Variants in QRFPR observed in about 807,000 individuals in gnomAD.
QRFPR encodes the protein pyroglutamylated RFamide peptide receptor.
Under a neutral mutation model 31.3 loss-of-function variants are expected in QRFPR, and 37 were observed. That is an observed-to-expected ratio of 1.18 (90% CI 0.91 to 1.56). The LOEUF is 1.56. QRFPR is among the 40% of genes most tolerant of loss of function. The pLI, the probability that QRFPR is intolerant of heterozygous loss-of-function variation, is 0.00. For missense variants in QRFPR, 542 were observed against 532.5 expected (o/e 1.02, Z -0.18); for synonymous variants, 197 against 192.0 (o/e 1.03, Z -0.22).
intron 2 of QRFPR, among the ~76,000 whole-genome samples, chr4:121,338,774 T>C (rs1257648411): frequency 6.6e-6 from 1 of 152,218 alleles, no homozygotes; most frequent in Admixed American, 6.5e-5. Context: ...GTCTAGTTGA[T>C]TTTAAAACCT....
At chr4:121,335,606 G>C (rs1343752703) in intron 3 of QRFPR, among the ~76,000 whole-genome samples, 1 of 150,784 alleles carries the variant, frequency 6.6e-6, no homozygotes. Flanking sequence ...GAGGAGTGGG[G>C]CAGGGGAGAG....
intron 1 of QRFPR, among the ~76,000 whole-genome samples, chr4:121,373,966 C>T (rs764322182): frequency 1.3e-5 from 2 of 152,120 alleles, no homozygotes; most frequent in Non-Finnish European, 2.9e-5. Flanking sequence ...TATAATGAAG[C>T]TTGGAGCTTC....
In QRFPR at chr4:121,332,867, A is replaced by T; in HGVS notation, c.751T>A (p.Ser251Thr). 3.7e-6 allele frequency: 6 copies of T among 1,614,158 alleles called. No homozygotes were observed. Among genetic ancestry groups the T allele is most frequent in the Non-Finnish European group, 5.1e-6 (6 of 1,179,992 alleles). Residue 251 changes from serine (S) to threonine (T), a missense_variant, in exon 4 of 6, where the codon TCA becomes ACA. Transcript: ENST00000394427. ...TTTCCATGAATAGTTCGAAGCACTGAACCATCCCCAACTCTTTTCTTTATC... is the reference window on the plus strand; with the variant it reads ...TTTCCATGAATAGTTCGAAGCACTGTACCATCCCCAACTCTTTTCTTTATC... ...LWIKKRVGDGSVLRTIHGKEM... is the reference protein window; with the variant it reads ...LWIKKRVGDGTVLRTIHGKEM...
At chr4:121,370,310 C>T (rs1020113331) in intron 1 of QRFPR, 3 of 772,664 alleles carry the variant, frequency 3.9e-6, no homozygotes, top group African/African-American at 3.4e-5. Context: ...GCCCACTAGC[C>T]TCAAGAGCAG....
At position 121,330,482 on chromosome 4, in the gene QRFPR, G is replaced by C. The variant is rs1283326230; in HGVS notation, c.839C>G (p.Ala280Gly). 2 of 1,613,956 alleles carry C rather than the reference G, an allele frequency of 1.2e-6. No individual in the cohort carries two copies. ...TGGTGCCCAGCACACAGCAAAGAGA[G>C]CCACCACTGTCACCATCATAATGAC... The part of the protein sequence containing the change: ...RAVIMMVTVV[A>G]LFAVCWAPFH... Residue 280 changes from alanine to glycine, a missense_variant, in exon 5 of 6, where the codon GCT (alanine) becomes GGT (glycine). Transcript: ENST00000394427.
At chr4:121,376,797 G>T (rs1473906377) in intron 1 of QRFPR, among the ~76,000 whole-genome samples, 1 of 151,708 alleles carries the variant, frequency 6.6e-6, no homozygotes, top group African/African-American at 2.4e-5. Context: ...TGTGTAGCCA[G>T]GTCTAAGAGC....
rs2110464932 is a variant in QRFPR, at chr4:121,329,461, C to T, written c.1149G>A (p.Val383=). 1.2e-6 allele frequency: 2 copies of T among 1,614,152 alleles called. No individual in the cohort carries two copies. The highest frequency in any genetic ancestry group is 1.7e-6 in the Non-Finnish European group (2 of 1,180,022). The part of the protein sequence containing the change: ...KAKFSLRENP[V]EETKGEAFSD... ...TGAATGCTTCTCCTTTGGTTTCCTC[C>T]ACTGGATTCTCTCTGAGGGAAAACT... The change falls in exon 6 of 6, where the codon GTG becomes GTA. Residue 383 remains valine, a synonymous_variant. Transcript: ENST00000394427.
At chr4:121,347,305 C>CT (rs773890363) in intron 1 of QRFPR, among the ~76,000 whole-genome samples, 7 of 151,946 alleles carry the variant, frequency 4.6e-5, no homozygotes, top group South Asian at 2.1e-4. Flanking sequence ...CCATAAACCA[C>CT]TTTTTTTTAA....
chr4:121,360,750 A>G (rs1725972813), intron 1 of QRFPR, among the ~76,000 whole-genome samples: 1 of 152,202 alleles, frequency 6.6e-6, no homozygotes, highest in African/African-American at 2.4e-5. Context: ...TGCAAAATGA[A>G]GCTCAAACTC....
At chr4:121,329,762 A>T in intron 5 of QRFPR, 48 bp from the exon 6 acceptor site, 10 of 1,278,232 alleles carry the variant, frequency 7.8e-6, no homozygotes, top group Non-Finnish European at 1.1e-5. Flanking sequence ...TAAGGAGTAT[A>T]AAATAAAACT....
rs61733544 is a variant in QRFPR at position 121,380,729 on chromosome 4, G to C, written c.-82C>G. On this transcript the variant is annotated 5_prime_UTR_variant, in exon 1 of 6. Transcript: ENST00000394427. Reference sequence around the variant, plus strand: ...CTGCGGGGCAGCGAGGGCTTCGGGGGACCAGCCGGAGGCCGCCTCCCTTCC... The same window carrying C: ...CTGCGGGGCAGCGAGGGCTTCGGGGCACCAGCCGGAGGCCGCCTCCCTTCC... The C allele has an allele frequency of 2.7e-4, 364 of 1,325,638 alleles. 1 individual carries two copies. In the African/African-American group the frequency reaches 4.6e-3, roughly 17 times the overall value. The allele number at this position is 1,325,638 out of a possible 1,614,324, so 82.1% of individuals were successfully genotyped here. A position where few individuals can be genotyped will look rare whatever the true frequency, so the allele number is the denominator to read the frequency against.
chr4:121,349,745 A>C (rs77006299), intron 1 of QRFPR, among the ~76,000 whole-genome samples: 11,721 of 152,258 alleles, frequency 0.077, 542 homozygotes, highest in Non-Finnish European at 0.1. Flanking sequence ...GCCAGCATTT[A>C]AAATATAAAA....
At chr4:121,335,585 TGG>T (rs1491547199) in intron 3 of QRFPR, among the ~76,000 whole-genome samples, 2 of 48,448 alleles carry the variant, frequency 4.1e-5, no homozygotes, top group Non-Finnish European at 8.7e-5. Context: ...GGGTGGGGGG[TGG>T]GGCGGGGAGA....
chr4:121,355,546 T>C (rs1453567366), intron 1 of QRFPR, among the ~76,000 whole-genome samples: 1 of 152,094 alleles, frequency 6.6e-6, no homozygotes, highest in Admixed American at 6.5e-5. Flanking sequence ...TTTTTAAAAG[T>C]CTTAATTTCA....
Position 121,380,712 on chromosome 4 carries a change from C to T in QRFPR, c.-65G>A. On this transcript the variant is annotated 5_prime_UTR_variant, in exon 1 of 6. Transcript: ENST00000394427. ...TGGCTGGCCATCCGCATCTGCGGGG[C>T]AGCGAGGGCTTCGGGGGACCAGCCG... is the stretch of plus-strand genomic sequence containing the variant. 1 of 1,415,162 alleles carries T rather than the reference C, an allele frequency of 7.1e-7. No individual in the cohort carries two copies. Among genetic ancestry groups the T allele is most frequent in the Non-Finnish European group, 9.4e-7 (1 of 1,064,066 alleles). 87.7% of individuals were successfully genotyped at this position (1,415,162 alleles called of 1,614,324 possible).
intron 1 of QRFPR, among the ~76,000 whole-genome samples, chr4:121,365,517 TTA>T (rs370923327): frequency 0.29 from 1,413 of 4,878 alleles, 189 homozygotes; most frequent in East Asian, 0.41. Flanking sequence ...ATAATATATA[TTA>T]TATATATTAT....
intron 2 of QRFPR, among the ~76,000 whole-genome samples, chr4:121,338,880 T>A (rs968194128): frequency 6.6e-6 from 1 of 152,228 alleles, no homozygotes; most frequent in African/African-American, 2.4e-5. Context: ...TTCTCTTTCC[T>A]TTTAAATAAC....
intron 1 of QRFPR, among the ~76,000 whole-genome samples, chr4:121,355,480 T>C (rs2110476706): frequency 6.6e-6 from 1 of 152,242 alleles, no homozygotes; most frequent in East Asian, 1.9e-4. Context: ...TAAAGGTTAG[T>C]TGACTTTGTT....
intron 1 of QRFPR, among the ~76,000 whole-genome samples, chr4:121,354,781 G>T (rs1725833665): frequency 6.6e-6 from 1 of 151,866 alleles, no homozygotes; most frequent in Non-Finnish European, 1.5e-5. Context: ...TTTATCAAAT[G>T]CTTTTTTGGT....
Sources: allele counts gnomAD v4.1 joint callset (sites outside exome capture counted in the v4.1 genomes callset), GRCh38; gene constraint gnomAD v4.1.1; transcripts MANE v1.5; gene names NCBI Gene and HGNC (gene_info 2026-07-23, HGNC 2026-07-21).